Variants in MACROD2 observed in about 807,000 individuals in gnomAD.
MACROD2 encodes ADP-ribose glycohydrolase MACROD2.
In MACROD2, 36 loss-of-function variants were observed where a neutral mutation model predicts 70.4. That is an observed-to-expected ratio of 0.51 (90% confidence interval 0.39 to 0.68). The LOEUF (loss-of-function observed/expected upper bound fraction) is 0.68. Ranked by LOEUF, MACROD2 falls within the 30% of genes least tolerant of loss-of-function variation. The probability of loss-of-function intolerance (pLI) is 0.00; values close to 1 mark genes in which losing one functional copy is unlikely to be tolerated. For synonymous variants in MACROD2, 172 were observed against 178.8 expected (o/e 0.96, Z 0.30); for missense variants, 496 against 538.4 (o/e 0.92, Z 0.78).
At chr20:14,174,617 GT>G (rs1404401848) in intron 3 of MACROD2, among the ~76,000 whole-genome samples, 3 of 152,176 alleles carry the variant, frequency 2.0e-5, no homozygotes, top group African/African-American at 7.2e-5. Flanking sequence ...GGGCTTTCAA[GT>G]TTCATGCCTC....
chr20:14,389,217 A>G (rs1392153062), intron 3 of MACROD2, among the ~76,000 whole-genome samples: 1 of 151,434 alleles, frequency 6.6e-6, no homozygotes, highest in Non-Finnish European at 1.5e-5. Context: ...TTTTAAAGAG[A>G]TAGAGACCAG....
At chr20:15,070,730 G>A (rs1166222930) in intron 5 of MACROD2, among the ~76,000 whole-genome samples, 1 of 152,044 alleles carries the variant, frequency 6.6e-6, no homozygotes, top group South Asian at 2.1e-4. Flanking sequence ...TGAATGGATC[G>A]TGGTACCATG....
chr20:14,422,809 G>T (rs1248086709), intron 3 of MACROD2, among the ~76,000 whole-genome samples: 1 of 152,122 alleles, frequency 6.6e-6, no homozygotes, highest in Non-Finnish European at 1.5e-5. Flanking sequence ...AACCAAAATT[G>T]CAATATTACC....
intron 2 of MACROD2, among the ~76,000 whole-genome samples, chr20:14,016,943 T>TC (rs201610269): frequency 0.016 from 2,424 of 152,234 alleles, 30 homozygotes; most frequent in Non-Finnish European, 0.027. Context: ...GGTAGTGTTG[T>TC]CATCTTCACA....
At chr20:15,645,233 C>A (rs934211133) in intron 8 of MACROD2, among the ~76,000 whole-genome samples, 7 of 152,196 alleles carry the variant, frequency 4.6e-5, no homozygotes, top group African/African-American at 1.7e-4. Context: ...AAATTACAGT[C>A]AATGACCCAG....
chr20:14,766,549 T>G (rs908767738), intron 5 of MACROD2, among the ~76,000 whole-genome samples: 2 of 152,090 alleles, frequency 1.3e-5, no homozygotes, highest in Non-Finnish European at 2.9e-5. Flanking sequence ...CCTTGTAAGA[T>G]TAACCAATAA....
intron 4 of MACROD2, among the ~76,000 whole-genome samples, chr20:14,512,392 G>C (rs1272704418): frequency 6.6e-6 from 1 of 152,084 alleles, no homozygotes; most frequent in African/African-American, 2.4e-5. Flanking sequence ...CCAAGGCTTG[G>C]GGGTGGAAGA....
chr20:15,513,182 T>G (rs1034990103), intron 8 of MACROD2, among the ~76,000 whole-genome samples: 53 of 152,350 alleles, frequency 3.5e-4, no homozygotes, highest in Admixed American at 9.1e-4. Context: ...TTATAAGTTC[T>G]TTCAAGCCTT....
intron 7 of MACROD2, among the ~76,000 whole-genome samples, chr20:15,481,610 T>C (rs752386444): frequency 6.7e-6 from 1 of 148,922 alleles, no homozygotes; most frequent in Non-Finnish European, 1.5e-5. Context: ...ATATTATGGT[T>C]ATAAAAGAAA....
At chr20:16,042,391 T>G (rs2067318925) in intron 16 of MACROD2, among the ~76,000 whole-genome samples, 1 of 152,046 alleles carries the variant, frequency 6.6e-6, no homozygotes, top group South Asian at 2.1e-4. Context: ...ACAAATCATG[T>G]TCTGAGGACT....
At chr20:14,266,118 G>A (rs1185619715) in intron 3 of MACROD2, among the ~76,000 whole-genome samples, 1 of 151,998 alleles carries the variant, frequency 6.6e-6, no homozygotes, top group Non-Finnish European at 1.5e-5. Context: ...CTTTTGGCTT[G>A]TAGTTTTCAG....
At chr20:15,123,527 C>A (rs2076045370) in intron 5 of MACROD2, among the ~76,000 whole-genome samples, 1 of 152,044 alleles carries the variant, frequency 6.6e-6, no homozygotes, top group African/African-American at 2.4e-5. Flanking sequence ...TCTCATTAAT[C>A]CTTTTTTGTA....
Position 14,970,139 on chromosome 20 carries a change from A to C in MACROD2, c.419-259801A>C, listed in dbSNP as rs150680107. ...CAATCATAGCAGAAGGCACCTCTTC[A>C]CAGGGCAGCAGGAGAGAGAAAGAGA... is the stretch of plus-strand genomic sequence containing the variant. On this transcript the variant is annotated intron_variant, in intron 5 of 17. Coordinates refer to ENST00000684519, the MANE Select transcript of MACROD2 (RefSeq NM_001351661.2). Among the ~76,000 whole-genome samples the C allele has an allele frequency of 7.3e-3, 1,118 of 152,296 alleles. 10 individuals are homozygous for C. The highest frequency in any genetic ancestry group is 0.026 in the African/African-American group (1,075 of 41,558).
At chr20:14,333,969 A>G (rs2082889412) in intron 3 of MACROD2, among the ~76,000 whole-genome samples, 1 of 152,230 alleles carries the variant, frequency 6.6e-6, no homozygotes, top group Non-Finnish European at 1.5e-5. Flanking sequence ...AATAAAGAAC[A>G]AAAGCTGTCA....
At chr20:15,483,909 C>G (rs967824834) in intron 7 of MACROD2, among the ~76,000 whole-genome samples, 1 of 151,824 alleles carries the variant, frequency 6.6e-6, no homozygotes, top group Non-Finnish European at 1.5e-5. Context: ...GTATATTAAC[C>G]TTCTATCTTG....
chr20:14,374,918 G>A (rs1184314927), intron 3 of MACROD2, among the ~76,000 whole-genome samples: 1 of 152,112 alleles, frequency 6.6e-6, no homozygotes, highest in Non-Finnish European at 1.5e-5. Flanking sequence ...GCTTTAAACA[G>A]AATTATTTAG....
intron 5 of MACROD2, among the ~76,000 whole-genome samples, chr20:15,094,390 A>G (rs1411626539): frequency 1.3e-5 from 2 of 152,174 alleles, no homozygotes; most frequent in South Asian, 2.1e-4. Context: ...GCAGTCTCTC[A>G]GTAAAAGACT....
At chr20:14,358,865 T>C (rs555438777) in intron 3 of MACROD2, among the ~76,000 whole-genome samples, 1 of 152,272 alleles carries the variant, frequency 6.6e-6, no homozygotes, top group East Asian at 1.9e-4. Flanking sequence ...CTATTGTGCT[T>C]TATTGCTTCA....
chr20:15,328,745 G>T (rs1322345000), intron 6 of MACROD2, among the ~76,000 whole-genome samples: 2 of 152,098 alleles, frequency 1.3e-5, no homozygotes, highest in African/African-American at 4.8e-5. Flanking sequence ...TTATTTTATG[G>T]CAGTTTTACT....
Sources: allele counts gnomAD v4.1 joint callset (sites outside exome capture counted in the v4.1 genomes callset), GRCh38; gene constraint gnomAD v4.1.1; transcripts MANE v1.5; gene names NCBI Gene and HGNC (gene_info 2026-07-23, HGNC 2026-07-21).